The following CBL variants were observed in gnomAD, a reference collection of about 807,000 sequenced individuals.
The protein encoded by CBL is Cbl proto-oncogene.
CBL carries 45 observed loss-of-function variants against 96.9 expected under a neutral mutation model. The observed-to-expected ratio is 0.46, with a 90% confidence interval of 0.37 to 0.60. The LOEUF is 0.60. Among genes scored for constraint, CBL ranks in the 20% least tolerant of loss-of-function variants. CBL has a pLI of 0.00. For missense variants in CBL, 1,024 were observed against 1,143.5 expected, an observed-to-expected ratio of 0.90 and a Z score of 1.51; for synonymous variants, 420 against 426.8, an observed-to-expected ratio of 0.98 and a Z score of 0.20.
At chr11:119,229,282 C>G (rs1444718246) in intron 1 of CBL, among the ~76,000 whole-genome samples, 3 of 152,148 alleles carry the variant, frequency 2.0e-5, no homozygotes, top group Non-Finnish European at 2.9e-5. Context: ...GAGTTATTAA[C>G]TCTGTTGTAC....
chr11:119,260,153 G>A (rs899976061), intron 2 of CBL, among the ~76,000 whole-genome samples: 2 of 151,366 alleles, frequency 1.3e-5, no homozygotes, highest in East Asian at 1.9e-4. Context: ...TTCATGTCCC[G>A]TTACTGAGTT....
intron 2 of CBL, among the ~76,000 whole-genome samples, chr11:119,235,736 A>G (rs1371702093): frequency 6.6e-6 from 1 of 152,126 alleles, no homozygotes; most frequent in Admixed American, 6.6e-5. Context: ...ACTATATCTA[A>G]TTTGCCGTTA....
Position 119,239,391 on chromosome 11 carries a change from T to TTG in CBL, c.443+6698_443+6699dup, listed in dbSNP as rs536555231. 2.9e-3 allele frequency among the ~76,000 whole-genome samples: 436 copies of TTG among 152,332 alleles called. 2 individuals are homozygous for TTG. The highest frequency in any genetic ancestry group is 9.8e-3 in the African/African-American group (406 of 41,568). The stretch of plus-strand genomic sequence containing the variant: ...CATTTTGATGCTATTGTAAATGGAA[T>TTG]TGTTAATTTTAGGTTCATATATAGA... On this transcript the variant is annotated intron_variant, in intron 2 of 15. Coordinates refer to ENST00000264033, the MANE Select transcript of CBL (RefSeq NM_005188.4).
At chr11:119,233,034 TA>T (rs1949516277) in intron 2 of CBL, among the ~76,000 whole-genome samples, 1 of 152,102 alleles carries the variant, frequency 6.6e-6, no homozygotes. Context: ...TGGGAGTAAA[TA>T]AGAGGCCGAT....
intron 1 of CBL, among the ~76,000 whole-genome samples, chr11:119,210,541 T>C (rs1469621746): frequency 6.6e-6 from 1 of 151,524 alleles, no homozygotes; most frequent in African/African-American, 2.4e-5. Context: ...ATGATTTTCG[T>C]GCCTCAGCCA....
intron 12 of CBL, among the ~76,000 whole-genome samples, chr11:119,292,891 A>G (rs1317225436): frequency 1.3e-5 from 2 of 152,240 alleles, no homozygotes; most frequent in Non-Finnish European, 2.9e-5. Context: ...GTTATGTCCC[A>G]GTAAACCCAT....
At chr11:119,284,541 T>G (rs577102453) in intron 9 of CBL, among the ~76,000 whole-genome samples, 8 of 152,284 alleles carry the variant, frequency 5.3e-5, no homozygotes, top group East Asian at 3.9e-4. Context: ...CCCAAAATGT[T>G]AGTATTACAG....
At position 119,299,939 on chromosome 11, in the gene CBL, G is replaced by A; in HGVS notation, c.*158G>A. Reference sequence around the variant, plus strand: ...AGTGGTTCCAAGATTTCAAAGTGGTGAAATGAAAATGGAGCAGCTAGTATG... The same window carrying A: ...AGTGGTTCCAAGATTTCAAAGTGGTAAAATGAAAATGGAGCAGCTAGTATG... On this transcript the variant is annotated 3_prime_UTR_variant, in exon 16 of 16. Coordinates refer to ENST00000264033, the MANE Select transcript of CBL (RefSeq NM_005188.4). 1 of 775,704 alleles carries A rather than the reference G, an allele frequency of 1.3e-6. No homozygotes were observed. Among genetic ancestry groups the A allele is most frequent in the Non-Finnish European group, 2.2e-6 (1 of 447,256 alleles). The allele number at this position is 775,704 out of a possible 1,614,324, so 48.1% of individuals were successfully genotyped here.
chr11:119,279,492 TA>T (rs36040058), intron 9 of CBL, among the ~76,000 whole-genome samples: 43 of 148,074 alleles, frequency 2.9e-4, no homozygotes, highest in Admixed American at 8.2e-4. Flanking sequence ...TGCCCCCCCC[TA>T]AAAAAAAAAA....
chr11:119,271,418 T>C (rs1239046415), intron 2 of CBL, among the ~76,000 whole-genome samples: 3 of 152,262 alleles, frequency 2.0e-5, no homozygotes, highest in African/African-American at 7.2e-5. Flanking sequence ...GAGATACAAG[T>C]GGAGGCAGTG....
In CBL at chr11:119,275,949, G is replaced by C. The variant is rs2511854; in HGVS notation, c.870-48G>C. 0.57 allele frequency: 902,335 copies of C among 1,586,130 alleles called. 264,896 individuals are homozygous for C. Among genetic ancestry groups the C allele is most frequent in the East Asian group, 0.87 (38,950 of 44,778 alleles). ...TCTGTATCTTGCCTTGCCTTCCACC[G>C]TAATACCAGCATAATCTACTAAAGC... On this transcript the variant is annotated intron_variant, in intron 5 of 15. Transcript: ENST00000264033.
chr11:119,300,608 A>T lies in CBL; in HGVS notation c.*827A>T, dbSNP rs1171294285. On this transcript the variant is annotated 3_prime_UTR_variant, in exon 16 of 16. Coordinates refer to ENST00000264033, the MANE Select transcript of CBL (RefSeq NM_005188.4). ...CAGCTAACACTGGTCACTCCAAAGC[A>T]CTGTTTCTATAGGAACATTGAAGCT... 3 of 399,088 alleles carry T rather than the reference A, an allele frequency of 7.5e-6. No individual in the cohort carries two copies. The South Asian group carries it at 3.8e-4, about 51-fold the overall frequency. The allele number at this position is 399,088 out of a possible 1,614,324, so 24.7% of individuals were successfully genotyped here.
intron 14 of CBL, 89 bp downstream of exon 14, chr11:119,297,570 G>A: frequency 2.0e-6 from 2 of 987,890 alleles, no homozygotes; most frequent in South Asian, 1.3e-5. Flanking sequence ...CTTGATCTAA[G>A]CTCAAAATTC....
At chr11:119,212,612 G>A (rs1245384620) in intron 1 of CBL, among the ~76,000 whole-genome samples, 5 of 151,656 alleles carry the variant, frequency 3.3e-5, no homozygotes, top group Admixed American at 3.3e-4. Context: ...GGCAAGAAGA[G>A]CAAAACTCTG....
At chr11:119,239,538 C>G (rs1949569632) in intron 2 of CBL, among the ~76,000 whole-genome samples, 1 of 152,132 alleles carries the variant, frequency 6.6e-6, no homozygotes. Flanking sequence ...ATGTCACATG[C>G]AATTAGAGGT....
rs182069427 is a variant in CBL, at chr11:119,216,273, A to G, written c.195+9661A>G. ...GGAAGGACTAAAATGAGGCCAATTC[A>G]TTGGTGCTTCATTGAGTGGAGATGG... On this transcript the variant is annotated intron_variant, in intron 1 of 15. Transcript: ENST00000264033. Among the ~76,000 whole-genome samples, 198 of 152,284 alleles carry G rather than the reference A, an allele frequency of 1.3e-3. 1 individual carries two copies. The highest frequency in any genetic ancestry group is 4.6e-3 in the African/African-American group (190 of 41,554).
At chr11:119,295,375 C>A (rs1002601483) in intron 12 of CBL, among the ~76,000 whole-genome samples, 5 of 151,944 alleles carry the variant, frequency 3.3e-5, no homozygotes, top group Non-Finnish European at 4.4e-5. Flanking sequence ...TAACAAAGTA[C>A]CCATTCATTT....
intron 2 of CBL, among the ~76,000 whole-genome samples, chr11:119,236,876 TC>T (rs1322721112): frequency 6.6e-6 from 1 of 152,078 alleles, no homozygotes; most frequent in East Asian, 1.9e-4. Context: ...TATATAGTTG[TC>T]CCCCTTTATC....
At chr11:119,236,124 T>G (rs557661240) in intron 2 of CBL, among the ~76,000 whole-genome samples, 6 of 152,132 alleles carry the variant, frequency 3.9e-5, no homozygotes, top group South Asian at 2.1e-4. Context: ...TGGTTTTTAG[T>G]GTATTCGCAA....
Sources: gnomAD v4.1 joint callset for allele counts (sites outside exome capture counted in the v4.1 genomes callset) on GRCh38, gnomAD v4.1.1 for gene constraint, MANE v1.5 for transcripts, NCBI Gene and HGNC (gene_info 2026-07-23, HGNC 2026-07-21) for gene names.